CD6: variants seen among roughly 807,000 people sequenced by gnomAD.
The protein encoded by CD6 is T-cell differentiation antigen CD6.
A neutral mutation model predicts 75.3 loss-of-function variants in CD6; 53 were observed. That is an observed-to-expected ratio of 0.70 (90% CI 0.56 to 0.88). The LOEUF is 0.88. Ranked by LOEUF, CD6 falls within the 40% of genes least tolerant of loss-of-function variation. The pLI is 0.00. For missense variants in CD6, 770 were observed against 897.1 expected, an observed-to-expected ratio of 0.86 and a Z score of 1.81; for synonymous variants, 359 against 381.5, an observed-to-expected ratio of 0.94 and a Z score of 0.69.
chr11:60,991,866 GTA>G (rs747676139), intron 1 of CD6, among the ~76,000 whole-genome samples: 69 of 136,564 alleles, frequency 5.1e-4, no homozygotes, highest in African/African-American at 1.7e-3. Context: ...CTATATATAT[GTA>G]TATATATATG....
At chr11:60,973,164 C>T (rs1857251567) in intron 1 of CD6, among the ~76,000 whole-genome samples, 1 of 152,202 alleles carries the variant, frequency 6.6e-6, no homozygotes, top group African/African-American at 2.4e-5. Flanking sequence ...CAGACCAGCT[C>T]CTTCTCAGCT....
intron 1 of CD6, among the ~76,000 whole-genome samples, chr11:60,980,057 C>A (rs1857504327): frequency 6.6e-6 from 1 of 152,132 alleles, no homozygotes. Flanking sequence ...GAAACTGAGG[C>A]TCAGAAAGTT....
chr11:61,017,292 C>T (rs772895187), intron 9 of CD6, 187 bp from the exon 10 acceptor site: 30 of 604,102 alleles, frequency 5.0e-5, no homozygotes, highest in Non-Finnish European at 8.3e-5. Context: ...TAGATTAAGG[C>T]GAAGGCTCTG....
At chr11:61,001,264 C>T (rs117030061) in intron 1 of CD6, among the ~76,000 whole-genome samples, 5,663 of 130,884 alleles carry the variant, frequency 0.043, 152 homozygotes, top group Middle Eastern at 0.17. Flanking sequence ...GTAGTAGTGG[C>T]GTGATCTCAG....
intron 12 of CD6, 36 bp from the exon 13 acceptor site, chr11:61,019,218 T>G: frequency 6.4e-7 from 1 of 1,558,088 alleles, no homozygotes; most frequent in Non-Finnish European, 8.8e-7. Flanking sequence ...GGGCAATGAC[T>G]GGGTCTCCCA....
chr11:60,975,905 A>C (rs1271073799), intron 1 of CD6, among the ~76,000 whole-genome samples: 7 of 152,250 alleles, frequency 4.6e-5, no homozygotes, highest in Admixed American at 6.5e-5. Context: ...TTCTAAGCAC[A>C]TTTATAAATA....
intron 1 of CD6, among the ~76,000 whole-genome samples, chr11:60,978,040 ATT>A (rs1857425371): frequency 6.6e-6 from 1 of 152,156 alleles, no homozygotes; most frequent in Non-Finnish European, 1.5e-5. Context: ...CCCATGGGAG[ATT>A]TCCTCCTCCA....
intron 7 of CD6, 60 bp from the exon 8 acceptor site, chr11:61,013,859 C>A: frequency 1.7e-6 from 2 of 1,205,784 alleles, no homozygotes; most frequent in South Asian, 1.4e-5. Flanking sequence ...AGAACGGAAC[C>A]AGGTAGACTG....
At position 61,019,343 on chromosome 11, in the gene CD6, G is replaced by A. The variant is rs1386104216; in HGVS notation, c.*25G>A. ...GGCCGGGGCCAGCCGAGGCTCCTGG[G>A]GTGGCTCTGACCCTCTGGCCTCCTG... On this transcript the variant is annotated 3_prime_UTR_variant, in exon 13 of 13. Coordinates refer to ENST00000313421, the MANE Select transcript of CD6 (RefSeq NM_006725.5). The A allele has an allele frequency of 1.9e-6, 3 of 1,596,214 alleles. No individual in the cohort carries two copies. The highest frequency in any genetic ancestry group is 2.7e-5 in the African/African-American group (2 of 74,878).
intron 1 of CD6, among the ~76,000 whole-genome samples, chr11:61,003,415 T>C (rs1858691033): frequency 6.6e-6 from 1 of 152,102 alleles, no homozygotes; most frequent in African/African-American, 2.4e-5. Flanking sequence ...TAAAGAAAAG[T>C]GTGAGGCACA....
intron 1 of CD6, among the ~76,000 whole-genome samples, chr11:60,980,437 G>C (rs1047240878): frequency 6.6e-6 from 1 of 152,140 alleles, no homozygotes; most frequent in Non-Finnish European, 1.5e-5. Context: ...AGGAGGTTGA[G>C]GCTGCAGTGA....
In CD6 at chr11:61,008,416, T is replaced by G. The variant is rs1858980921; in HGVS notation, c.470-118T>G. 5.1e-6 allele frequency: 5 copies of G among 985,222 alleles called. No individual in the cohort carries two copies. In the South Asian group the frequency reaches 8.4e-5, roughly 16 times the overall value. The allele number at this position is 985,222 out of a possible 1,614,324, so 61.0% of individuals were successfully genotyped here. Reference sequence around the variant, plus strand: ...GGATTCCCAGTCTTGCCTACCGGGCTACAGCCCTCTCACTGGGTCCACAAC... The same window carrying G: ...GGATTCCCAGTCTTGCCTACCGGGCGACAGCCCTCTCACTGGGTCCACAAC... On this transcript the variant is annotated intron_variant, in intron 3 of 12. Transcript: ENST00000313421.
intron 6 of CD6, among the ~76,000 whole-genome samples, chr11:61,012,544 C>T (rs1208200494): frequency 6.6e-6 from 1 of 152,134 alleles, no homozygotes; most frequent in African/African-American, 2.4e-5. Context: ...GGGTTCTCTC[C>T]CAGGGGAAGC....
At position 61,019,410 on chromosome 11, in the gene CD6, C is replaced by G. The variant is rs1479276587; in HGVS notation, c.*92C>G. 2.0e-6 allele frequency: 2 copies of G among 984,644 alleles called. No individual in the cohort carries two copies. The highest frequency in any genetic ancestry group is 3.2e-5 in the African/African-American group (2 of 62,038). The allele number at this position is 984,644 out of a possible 1,614,324, so 61.0% of individuals were successfully genotyped here. On this transcript the variant is annotated 3_prime_UTR_variant, in exon 13 of 13. Transcript: ENST00000313421. ...TCCCCTTTCCCACCCTCCCAGCTCA[C>G]CTCCCCATGGAGCTGAGAGGCCTCC...
At chr11:60,993,006 C>T (rs776858670) in intron 1 of CD6, among the ~76,000 whole-genome samples, 5 of 152,170 alleles carry the variant, frequency 3.3e-5, no homozygotes, top group Non-Finnish European at 7.3e-5. Context: ...AATCCCTACT[C>T]TTATCCCTTG....
intron 1 of CD6, among the ~76,000 whole-genome samples, chr11:60,994,584 C>T (rs565405886): frequency 1.3e-5 from 2 of 151,900 alleles, no homozygotes; most frequent in Admixed American, 6.6e-5. Flanking sequence ...TGTCCCCAAG[C>T]CCTGCTGTGG....
At chr11:61,001,787 A>G (rs1858597827) in intron 1 of CD6, among the ~76,000 whole-genome samples, 1 of 152,158 alleles carries the variant, frequency 6.6e-6, no homozygotes, top group South Asian at 2.1e-4. Flanking sequence ...GCCCAGTGCA[A>G]AACGGAGATG....
At chr11:61,006,709 G>A in intron 2 of CD6, 67 bp downstream of exon 2, 2 of 1,320,160 alleles carry the variant, frequency 1.5e-6, no homozygotes, top group Non-Finnish European at 2.1e-6. Context: ...GGGTAATAAA[G>A]AAGGGAAATG....
intron 1 of CD6, among the ~76,000 whole-genome samples, chr11:60,981,356 C>T (rs1463095298): frequency 1.3e-5 from 2 of 152,212 alleles, no homozygotes; most frequent in Non-Finnish European, 2.9e-5. Flanking sequence ...TTTTTCCCAG[C>T]CCTGGAATTG....
Sources: allele counts gnomAD v4.1 joint callset (sites outside exome capture counted in the v4.1 genomes callset), GRCh38; gene constraint gnomAD v4.1.1; transcripts MANE v1.5; gene names NCBI Gene and HGNC (gene_info 2026-07-23, HGNC 2026-07-21).